Variants in SH3RF3 observed in about 807,000 individuals in gnomAD.
SH3RF3 encodes the protein E3 ubiquitin-protein ligase SH3RF3.
A neutral mutation model predicts 66.3 loss-of-function variants in SH3RF3; 29 were observed. That is an observed-to-expected ratio of 0.44 (90% CI 0.33 to 0.60). The LOEUF (loss-of-function observed/expected upper bound fraction) is 0.60, where lower values mean the gene tolerates loss of function less well. SH3RF3 is among the 20% of genes least tolerant of loss of function. The pLI is 0.04. For synonymous variants in SH3RF3, 583 were observed against 532.0 expected (o/e 1.10, Z -1.32); for missense variants, 1,194 against 1,190.9 (o/e 1.00, Z -0.04).
intron 1 of SH3RF3, among the ~76,000 whole-genome samples, chr2:109,163,416 TG>T (rs1677537819): frequency 7.0e-6 from 1 of 143,614 alleles, no homozygotes; most frequent in Admixed American, 7.0e-5. Flanking sequence ...TTTTTTTTTT[TG>T]AGACGGAGTC....
chr2:109,501,790 G>A lies in SH3RF3; in HGVS notation c.*119G>A, dbSNP rs1404510265. The A allele has an allele frequency of 9.6e-6, 6 of 625,214 alleles. No homozygotes were observed. The highest frequency in any genetic ancestry group is 1.8e-5 in the African/African-American group (1 of 54,800). 38.7% of individuals were successfully genotyped at this position (625,214 alleles called of 1,614,324 possible). A position where few individuals can be genotyped will look rare whatever the true frequency, so the allele number is the denominator to read the frequency against. On this transcript the variant is annotated 3_prime_UTR_variant, in exon 10 of 10. Transcript: ENST00000309415. Reference sequence around the variant, plus strand: ...CCAGGTCATCTCCAAGGCACCTGGCGGGGGATACCCTGGCCCAGGGTGGGG... The same window carrying A: ...CCAGGTCATCTCCAAGGCACCTGGCAGGGGATACCCTGGCCCAGGGTGGGG...
chr2:109,231,329 G>A (rs1032473278), intron 1 of SH3RF3, among the ~76,000 whole-genome samples: 1 of 152,210 alleles, frequency 6.6e-6, no homozygotes, highest in Non-Finnish European at 1.5e-5. Context: ...TTTGACAAGT[G>A]TGTTACAATA....
chr2:109,304,700 A>G (rs1681551191), intron 1 of SH3RF3, among the ~76,000 whole-genome samples: 1 of 152,220 alleles, frequency 6.6e-6, no homozygotes, highest in South Asian at 2.1e-4. Flanking sequence ...GCCACTATTC[A>G]GTGCTTGGTG....
At position 109,432,482 on chromosome 2, in the gene SH3RF3, C is replaced by T; in HGVS notation, c.1404-19C>T. The T allele has an allele frequency of 6.2e-7, 1 of 1,612,150 alleles. No homozygotes were observed. Among genetic ancestry groups the T allele is most frequent in the Non-Finnish European group, 8.5e-7 (1 of 1,179,318 alleles). ...CCAGGAGGGCTCCCACTGACACTGG[C>T]CCCATGCTTTGCCCGCAGGTACCTG... On this transcript the variant is annotated intron_variant, in intron 5 of 9. Coordinates refer to ENST00000309415, the MANE Select transcript of SH3RF3 (RefSeq NM_001099289.3).
At chr2:109,315,795 G>A (rs377680552) in intron 1 of SH3RF3, among the ~76,000 whole-genome samples, 48 of 152,220 alleles carry the variant, frequency 3.2e-4, no homozygotes, top group African/African-American at 1.0e-3. Flanking sequence ...CTGCCTTGGT[G>A]TGGAAGGGAC....
chr2:109,394,027 C>T (rs1046766649), intron 3 of SH3RF3, among the ~76,000 whole-genome samples: 37 of 152,114 alleles, frequency 2.4e-4, no homozygotes, highest in African/African-American at 7.5e-4. Flanking sequence ...CCAGGAGCTG[C>T]GGGGAGAGAG....
At chr2:109,428,399 T>G (rs1677095078) in intron 5 of SH3RF3, among the ~76,000 whole-genome samples, 1 of 152,234 alleles carries the variant, frequency 6.6e-6, no homozygotes, top group South Asian at 2.1e-4. Flanking sequence ...GGCTGTGCTG[T>G]TAGTTTCAAC....
chr2:109,330,028 C>T (rs550961918), intron 1 of SH3RF3, among the ~76,000 whole-genome samples: 1 of 152,270 alleles, frequency 6.6e-6, no homozygotes, highest in South Asian at 2.1e-4. Context: ...CATCCCTGGC[C>T]CTTACAAAAC....
intron 4 of SH3RF3, among the ~76,000 whole-genome samples, chr2:109,419,180 A>G (rs1573236154): frequency 1.3e-5 from 2 of 152,028 alleles, no homozygotes; most frequent in Non-Finnish European, 2.9e-5. Flanking sequence ...TCATAGCATG[A>G]AAGATTTTGT....
chr2:109,355,215 C>T (rs1559040180), intron 2 of SH3RF3, among the ~76,000 whole-genome samples: 3 of 152,242 alleles, frequency 2.0e-5, no homozygotes, highest in East Asian at 1.9e-4. Flanking sequence ...AACCTGTAAA[C>T]GAAATTGAGC....
intron 1 of SH3RF3, among the ~76,000 whole-genome samples, chr2:109,193,747 ACAATTAAAGGGAGGG>A (rs1678427199): frequency 1.3e-5 from 2 of 152,118 alleles, no homozygotes; most frequent in Middle Eastern, 3.2e-3. Flanking sequence ...TATTTTTCTC[ACAATTAAAGGGAGGG>A]CAATTAAAGG....
intron 1 of SH3RF3, among the ~76,000 whole-genome samples, chr2:109,206,354 G>T (rs1253376902): frequency 6.6e-6 from 1 of 151,934 alleles, no homozygotes; most frequent in African/African-American, 2.4e-5. Flanking sequence ...TGCCGGGCTT[G>T]GTGGAGGGCA....
chr2:109,179,003 A>ATATGTGTGTGTGTGTG, intron 1 of SH3RF3, among the ~76,000 whole-genome samples: 1 of 142,178 alleles, frequency 7.0e-6, no homozygotes, highest in South Asian at 2.3e-4. Flanking sequence ...AAGTATAATA[A>ATATGTGTGTGTGTGTG]TGTGTGTGTG....
chr2:109,389,757 A>G (rs906273806), intron 3 of SH3RF3, among the ~76,000 whole-genome samples: 1 of 152,218 alleles, frequency 6.6e-6, no homozygotes, highest in African/African-American at 2.4e-5. Flanking sequence ...AAAGATACAC[A>G]TTACATATGT....
chr2:109,429,088 G>A (rs371057566), intron 5 of SH3RF3, among the ~76,000 whole-genome samples: 16 of 152,296 alleles, frequency 1.1e-4, no homozygotes, highest in African/African-American at 3.6e-4. Context: ...AGGGGGCAGC[G>A]GCAGAGACCC....
chr2:109,325,331 C>CTTTTT lies in SH3RF3; in HGVS notation c.574-22320_574-22316dup, dbSNP rs11298946. ...ATTTAATTTCTTTCTTTCTTTCTTT[C>CTTTTT]TTTTTTTTTTTTTTTTTTTTTTTTT... On this transcript the variant is annotated intron_variant, in intron 1 of 9. Coordinates refer to ENST00000309415, the MANE Select transcript of SH3RF3 (RefSeq NM_001099289.3). Among the ~76,000 whole-genome samples, 38 of 66,234 alleles carry CTTTTT rather than the reference C, an allele frequency of 5.7e-4. 1 individual carries two copies. The highest frequency in any genetic ancestry group is 1.8e-3 in the East Asian group (5 of 2,784). The allele number at this position is 66,234 out of a possible 152,430, so 43.5% of individuals were successfully genotyped here. A position where few individuals can be genotyped will look rare whatever the true frequency, so the allele number is the denominator to read the frequency against.
intron 1 of SH3RF3, among the ~76,000 whole-genome samples, chr2:109,251,184 G>T (rs1272450976): frequency 6.6e-6 from 1 of 151,736 alleles, no homozygotes; most frequent in Non-Finnish European, 1.5e-5. Flanking sequence ...TTTATTTTTA[G>T]TAGAGATGGG....
intron 1 of SH3RF3, among the ~76,000 whole-genome samples, chr2:109,289,160 C>T (rs1477543238): frequency 2.0e-5 from 3 of 152,132 alleles, no homozygotes; most frequent in African/African-American, 7.2e-5. Context: ...CCTCCTCCAT[C>T]CCCTGTCTCT....
At chr2:109,438,082 C>A (rs1677459247) in intron 7 of SH3RF3, among the ~76,000 whole-genome samples, 1 of 152,198 alleles carries the variant, frequency 6.6e-6, no homozygotes, top group African/African-American at 2.4e-5. Flanking sequence ...ATTTCTTAGA[C>A]TAACGAACAC....
Sources: gnomAD v4.1 joint callset for allele counts (sites outside exome capture counted in the v4.1 genomes callset) on GRCh38, gnomAD v4.1.1 for gene constraint, MANE v1.5 for transcripts, NCBI Gene and HGNC (gene_info 2026-07-23, HGNC 2026-07-21) for gene names.